Variants in FBN3 observed in about 807,000 individuals in gnomAD.
FBN3 encodes fibrillin-3.
A neutral mutation model predicts 330.1 loss-of-function variants in FBN3; 234 were observed. The observed-to-expected ratio is 0.71, with a 90% CI of 0.64 to 0.79. The LOEUF (loss-of-function observed/expected upper bound fraction) is 0.79. Ranked by LOEUF, FBN3 falls within the 30% of genes least tolerant of loss-of-function variation. The pLI is 0.00. For synonymous variants in FBN3, 1,458 were observed against 1,517.3 expected (o/e 0.96, Z 0.91); for missense variants, 3,606 against 3,886.9 (o/e 0.93, Z 1.92).
At position 8,138,485 on chromosome 19, in the gene FBN3, C is replaced by A; in HGVS notation, c.945G>T (p.Arg315Ser). 6.2e-7 allele frequency: 1 copy of A among 1,613,346 alleles called. No individual in the cohort carries two copies. Among genetic ancestry groups the A allele is most frequent in the Non-Finnish European group, 8.5e-7 (1 of 1,180,014 alleles). Reference sequence around the variant, plus strand: ...ACCTGCCCCTGTCACAGCAGCACTGCCTGCGAGTGTAGTGGCCGGCGAGGT... The same window carrying A: ...ACCTGCCCCTGTCACAGCAGCACTGACTGCGAGTGTAGTGGCCGGCGAGGT... ...AGDLAGHYTR[R>S]QCCCDRGRCW... The change falls in exon 9 of 64, where the codon AGG becomes AGT. Residue 315 changes from arginine (R) to serine (S), a missense_variant. Physicochemically the swap from Arg to Ser is moderately radical, Grantham distance 110. Transcript: ENST00000600128.
intron 41 of FBN3, among the ~76,000 whole-genome samples, chr19:8,099,751 C>A (rs2082287814): frequency 1.3e-5 from 2 of 151,920 alleles, no homozygotes; most frequent in Non-Finnish European, 2.9e-5. Context: ...TGGCTCACAC[C>A]TGTAATCCCA....
Position 8,089,936 on chromosome 19 carries a change from A to G in FBN3, c.6208T>C (p.Phe2070Leu), listed in dbSNP as rs1329192892. Residue 2070 changes from phenylalanine (F) to leucine (L), a missense_variant, in exon 50 of 64, where the codon TTT (phenylalanine) becomes CTT (leucine). Physicochemically the swap from Phe to Leu is conservative, Grantham distance 22. Coordinates refer to ENST00000600128, the MANE Select transcript of FBN3 (RefSeq NM_032447.5). ...GGGCCTGGGACTGCCCCGTGGCCAA[A>G]GGGGCAGAGCTCCTGAAAGGCAGCT... ...GSAAFQELCPFGHGAVPGPDD... is the reference protein window; with the variant it reads ...GSAAFQELCPLGHGAVPGPDD... 1 of 1,609,722 alleles carries G rather than the reference A, an allele frequency of 6.2e-7. No homozygotes were observed. The highest frequency in any genetic ancestry group is 8.5e-7 in the Non-Finnish European group (1 of 1,178,562).
rs2081376482 is a variant in FBN3 at position 8,065,795 on chromosome 19, A to G, written c.*124T>C. ...CCGGGCTTGCCTGAGGTTGTCGTGT[A>G]GCATTTCACTCTTCCTGAGTTTCGG... On this transcript the variant is annotated 3_prime_UTR_variant, in exon 64 of 64. Coordinates refer to ENST00000600128, the MANE Select transcript of FBN3 (RefSeq NM_032447.5). The G allele has an allele frequency of 1.2e-6, 1 of 857,544 alleles. No individual in the cohort carries two copies. The allele number at this position is 857,544 out of a possible 1,614,324, so 53.1% of individuals were successfully genotyped here.
intron 20 of FBN3, 33 bp downstream of exon 20, chr19:8,126,435 T>C: frequency 6.2e-7 from 1 of 1,602,068 alleles, no homozygotes; most frequent in Non-Finnish European, 8.5e-7. Context: ...GCTTTTCCCA[T>C]GGGTGCCTGG....
rs73007464 is a variant in FBN3 at position 8,109,336 on chromosome 19, G to T, written c.4509C>A (p.Gly1503=). ...FLETHDRGDS[G]ISCSAEIGVG... ...CTCCGATCTCGGCACTGCAGGAAATGCCACTGTCCCCTCGGTCATGCGTCT... is the reference window on the plus strand; with the variant it reads ...CTCCGATCTCGGCACTGCAGGAAATTCCACTGTCCCCTCGGTCATGCGTCT... Residue 1503 remains glycine (G), a synonymous_variant, in exon 36 of 64, where the codon GGC becomes GGA. Transcript: ENST00000600128. The surrounding 1 kb of genome is among the most constrained non-coding windows in gnomAD (Gnocchi z 5.2). 6.2e-6 allele frequency: 10 copies of T among 1,614,172 alleles called. No individual in the cohort carries two copies. Among genetic ancestry groups the T allele is most frequent in the Non-Finnish European group, 6.8e-6 (8 of 1,180,032 alleles).
At chr19:8,130,352 A>AG (rs1158673129) in intron 16 of FBN3, among the ~76,000 whole-genome samples, 6 of 149,066 alleles carry the variant, frequency 4.0e-5, no homozygotes, top group African/African-American at 1.5e-4. Flanking sequence ...AAAAAAAAAA[A>AG]ATACAAAAAT....
chr19:8,133,258 A>G, intron 13 of FBN3, 152 bp from the exon 14 acceptor site: 1 of 1,015,658 alleles, frequency 9.8e-7, no homozygotes, highest in Non-Finnish European at 1.4e-6. Context: ...GTGAGCTTGT[A>G]TATTAGTCCG....
intron 13 of FBN3, 23 bp downstream of exon 13, chr19:8,135,938 C>CT: frequency 8.6e-6 from 2 of 233,822 alleles, no homozygotes; most frequent in Non-Finnish European, 1.6e-5. Flanking sequence ...AAGCCCCTGC[C>CT]CACCCGCCCA....
At chr19:8,126,235 G>A (rs2082978479) in intron 21 of FBN3, 62 bp downstream of exon 21, 1 of 1,531,052 alleles carries the variant, frequency 6.5e-7, no homozygotes. Context: ...CATGAGGGTG[G>A]TGCGCCTGGT....
Position 8,121,378 on chromosome 19 carries a change from C to T in FBN3, c.3091G>A (p.Glu1031Lys), listed in dbSNP as rs144789622. The T allele has an allele frequency of 3.9e-4, 629 of 1,597,330 alleles. No individual in the cohort carries two copies. The highest frequency in any genetic ancestry group is 5.2e-4 in the Non-Finnish European group (610 of 1,173,536). ...CAGAGGTCAGGAGAGATGCGACACTCGTCGATATCTGTGGGGAGAGGGGGC... is the reference window on the plus strand; with the variant it reads ...CAGAGGTCAGGAGAGATGCGACACTTGTCGATATCTGTGGGGAGAGGGGGC... ...AQERNCTDID[E>K]CRISPDLCGQ... The change falls in exon 25 of 64, where the codon GAG (glutamate) becomes AAG (lysine). Residue 1031 changes from glutamate (E) to lysine (K), a missense_variant. Transcript: ENST00000600128. This position sits in a 1 kb window ranked among gnomAD's most constrained non-coding sequence, Gnocchi z 4.5.
intron 13 of FBN3, among the ~76,000 whole-genome samples, chr19:8,135,312 C>T (rs1304488948): frequency 6.6e-6 from 1 of 151,724 alleles, no homozygotes; most frequent in Non-Finnish European, 1.5e-5. Context: ...GAGTCTCTCT[C>T]TGTCACCCAC....
chr19:8,112,796 G>A (rs2082621241), intron 30 of FBN3, among the ~76,000 whole-genome samples: 1 of 152,132 alleles, frequency 6.6e-6, no homozygotes, highest in African/African-American at 2.4e-5. Context: ...TTAAACCTTG[G>A]TGAGCTGCTG....
At chr19:8,089,088 G>C (rs1216173581) in intron 51 of FBN3, among the ~76,000 whole-genome samples, 1 of 152,124 alleles carries the variant, frequency 6.6e-6, no homozygotes, top group South Asian at 2.1e-4. Context: ...ATGAATAAGT[G>C]AGTGAATGAG....
intron 62 of FBN3, 57 bp downstream of exon 62, chr19:8,073,006 T>TGA: frequency 9.3e-6 from 9 of 964,446 alleles, no homozygotes; most frequent in South Asian, 1.5e-5. Flanking sequence ...TGTGTGTGCG[T>TGA]GCGTGCATGG....
intron 41 of FBN3, among the ~76,000 whole-genome samples, chr19:8,099,705 AC>A (rs938453563): frequency 6.6e-6 from 1 of 152,074 alleles, no homozygotes; most frequent in African/African-American, 2.4e-5. Flanking sequence ...ATTATGCAAT[AC>A]GTTGTTAAAA....
chr19:8,139,898 G>A (rs2083373844), intron 8 of FBN3, among the ~76,000 whole-genome samples: 1 of 151,916 alleles, frequency 6.6e-6, no homozygotes, highest in Non-Finnish European at 1.5e-5. Flanking sequence ...GCCCCGAGCT[G>A]GGAAAACATG....
At chr19:8,070,033 G>A (rs1338343044) in intron 63 of FBN3, among the ~76,000 whole-genome samples, 1 of 152,154 alleles carries the variant, frequency 6.6e-6, no homozygotes, top group Non-Finnish European at 1.5e-5. Context: ...GTACCAAGGG[G>A]TACCAATACA....
intron 16 of FBN3, among the ~76,000 whole-genome samples, chr19:8,130,564 G>C (rs1467836804): frequency 1.8e-5 from 1 of 56,102 alleles, no homozygotes; most frequent in East Asian, 5.3e-4. Context: ...GAGAGAGAGA[G>C]AAGGAAAGAA....
chr19:8,135,936 G>GTGTCCCCCCCCCCC, intron 13 of FBN3, 25 bp downstream of exon 13: 1 of 668,778 alleles, frequency 1.5e-6, no homozygotes, highest in Non-Finnish European at 2.4e-6. Flanking sequence ...GGAAGCCCCT[G>GTGTCCCCCCCCCCC]CCCACCCGCC....
Sources: allele counts gnomAD v4.1 joint callset (sites outside exome capture counted in the v4.1 genomes callset), GRCh38; gene constraint gnomAD v4.1.1; non-coding constraint Gnocchi (gnomAD v3.1); transcripts MANE v1.5; gene names NCBI Gene and HGNC (gene_info 2026-07-23, HGNC 2026-07-21).